Variants in CFAP74 observed in about 807,000 individuals in gnomAD.
The protein encoded by CFAP74 is cilia- and flagella-associated protein 74.
In CFAP74, 124 loss-of-function variants were observed where a neutral mutation model predicts 188.9. The observed-to-expected ratio is 0.66, with a 90% CI of 0.57 to 0.76. The LOEUF (loss-of-function observed/expected upper bound fraction) is 0.76, where lower values mean the gene tolerates loss of function less well. CFAP74 is among the 30% of genes least tolerant of loss of function. The pLI is 0.00. For missense variants in CFAP74, 2,198 were observed against 2,165.2 expected (o/e 1.02, Z -0.30); for synonymous variants, 956 against 916.7 (o/e 1.04, Z -0.77).
chr1:1,998,863 T>C (rs1480453820), intron 1 of CFAP74, among the ~76,000 whole-genome samples: 3 of 152,010 alleles, frequency 2.0e-5, no homozygotes, highest in Non-Finnish European at 2.9e-5. Flanking sequence ...GGCGACAGAG[T>C]GAGACTCCGT....
chr1:1,971,091 GCACACCTGCACACGTGTGCA>G (rs1655974137), intron 9 of CFAP74, among the ~76,000 whole-genome samples: 1 of 135,872 alleles, frequency 7.4e-6, no homozygotes, highest in South Asian at 2.3e-4. Flanking sequence ...ACTCATACAT[GCACACCTGCACACGTGTGCA>G]CACACATGCT....
chr1:1,928,643 C>G (rs1042619103), intron 27 of CFAP74, 141 bp downstream of exon 27: 7 of 620,884 alleles, frequency 1.1e-5, no homozygotes, highest in Admixed American at 5.8e-5. Flanking sequence ...AGATACAGCT[C>G]GACACGTGCA....
chr1:1,923,712 A>G lies in CFAP74; in HGVS notation c.4389+63T>C. On this transcript the variant is annotated intron_variant, in intron 35 of 38. Coordinates refer to ENST00000682832, the MANE Select transcript of CFAP74 (RefSeq NM_001304360.2). This position sits in a 1 kb window ranked among gnomAD's most constrained non-coding sequence, Gnocchi z 6.3. Reference sequence around the variant, plus strand: ...CCTCCAAAGTGGAGCAGTGCAGCCAAAGGCAAGGCCCTGCGTGGGGCCAGG... The same window carrying G: ...CCTCCAAAGTGGAGCAGTGCAGCCAGAGGCAAGGCCCTGCGTGGGGCCAGG... The G allele has an allele frequency of 6.2e-7, 1 of 1,607,968 alleles. No individual in the cohort carries two copies. The highest frequency in any genetic ancestry group is 1.7e-5 in the Admixed American group (1 of 59,940).
At chr1:1,928,756 A>G in intron 27 of CFAP74, 28 bp downstream of exon 27, 2 of 1,509,846 alleles carry the variant, frequency 1.3e-6, no homozygotes, top group Non-Finnish European at 1.8e-6. Flanking sequence ...TCCCCGACCT[A>G]CGCCCCTCCT....
chr1:1,992,159 G>A (rs1657625759), intron 1 of CFAP74, among the ~76,000 whole-genome samples: 1 of 152,146 alleles, frequency 6.6e-6, no homozygotes, highest in Admixed American at 6.6e-5. Context: ...CTGGAACACT[G>A]TTGGGCAATT....
intron 20 of CFAP74, among the ~76,000 whole-genome samples, chr1:1,945,613 AG>A (rs1037678521): frequency 2.0e-5 from 3 of 152,072 alleles, no homozygotes; most frequent in Admixed American, 1.3e-4. Flanking sequence ...GGATCACTTG[AG>A]GTCAGGAGTT....
Position 1,942,136 on chromosome 1 carries a change from A to G in CFAP74, c.2507T>C (p.Leu836Pro). ...VHTRSKAALRLKFEVCKELRA... is the reference protein window; with the variant it reads ...VHTRSKAALRPKFEVCKELRA... ...CAGCTCCTTGCACACCTCGAACTTC[A>G]GGCGCAGGGCAGCTTTCGACCTGTG... The change falls in exon 22 of 39, where the codon CTG (leucine) becomes CCG (proline). Residue 836 changes from leucine to proline, a missense_variant. Physicochemically the swap from Leu to Pro is moderately conservative, Grantham distance 98. Transcript: ENST00000682832. The surrounding 1 kb of genome is among the most constrained non-coding windows in gnomAD (Gnocchi z 4.3). 1 of 1,524,674 alleles carries G rather than the reference A, an allele frequency of 6.6e-7. No homozygotes were observed. Among genetic ancestry groups the G allele is most frequent in the Non-Finnish European group, 8.8e-7 (1 of 1,142,280 alleles). The allele number at this position is 1,524,674 out of a possible 1,614,324, so 94.4% of individuals were successfully genotyped here. A position where few individuals can be genotyped will look rare whatever the true frequency, so the allele number is the denominator to read the frequency against.
rs1380197746 is a variant in CFAP74 at position 1,975,708 on chromosome 1, G to A, written c.501-1510C>T. 6.6e-6 allele frequency among the ~76,000 whole-genome samples: 1 copy of A among 152,110 alleles called. No individual in the cohort carries two copies. Among genetic ancestry groups the A allele is most frequent in the Non-Finnish European group, 1.5e-5 (1 of 68,038 alleles). ...GACTCCGCGGAGCTTCCACGGGCGG[G>A]TTATTTCTATTCCTCCCTCGCGTGA... On this transcript the variant is annotated intron_variant, in intron 6 of 38. Coordinates refer to ENST00000682832, the MANE Select transcript of CFAP74 (RefSeq NM_001304360.2). This position sits in a 1 kb window ranked among gnomAD's most constrained non-coding sequence, Gnocchi z 4.5.
chr1:1,939,304 G>A (rs547439782), intron 24 of CFAP74, among the ~76,000 whole-genome samples: 35 of 152,356 alleles, frequency 2.3e-4, no homozygotes, highest in Non-Finnish European at 3.7e-4. Flanking sequence ...CCAGGCTTGG[G>A]CCTCGTCCCA....
chr1:1,966,560 G>A lies in CFAP74; in HGVS notation c.1246-34C>T, dbSNP rs776340529. ...GGGGAGAGGAACATCGCAAAGACAC[G>A]CTCATGACAGAGAACAGGGAAGAGA... On this transcript the variant is annotated intron_variant, in intron 11 of 38. Transcript: ENST00000682832. 1.9e-5 allele frequency: 28 copies of A among 1,476,426 alleles called. No individual in the cohort carries two copies. The African/African-American group carries it at 2.4e-4, about 13-fold the overall frequency. The allele number at this position is 1,476,426 out of a possible 1,614,324, so 91.5% of individuals were successfully genotyped here. A position where few individuals can be genotyped will look rare whatever the true frequency, so the allele number is the denominator to read the frequency against.
rs775597917 is a variant in CFAP74, at chr1:1,970,661, C to A, written c.1044G>T (p.Lys348Asn). 1 of 1,605,820 alleles carries A rather than the reference C, an allele frequency of 6.2e-7. No homozygotes were observed. Among genetic ancestry groups the A allele is most frequent in the African/African-American group, 1.3e-5 (1 of 74,858 alleles). Residue 348 changes from lysine (K) to asparagine (N), a missense_variant and splice_region_variant, in exon 10 of 39, where the codon AAG (lysine) becomes AAT (asparagine). Lys to Asn is a moderately conservative substitution (Grantham distance 94). Coordinates refer to ENST00000682832, the MANE Select transcript of CFAP74 (RefSeq NM_001304360.2). Reference protein sequence around the residue: ...QRRRQELEAQKRAFEEEQKLR... With the variant: ...QRRRQELEAQNRAFEEEQKLR... ...GGCACCTCTGCCACCACCCTCACCT[C>A]TTCTGGGCCTCCAGCTCCTGGCGCC...
At chr1:1,933,762 T>C (rs1282580489) in intron 25 of CFAP74, among the ~76,000 whole-genome samples, 1 of 152,238 alleles carries the variant, frequency 6.6e-6, no homozygotes, top group Non-Finnish European at 1.5e-5. Flanking sequence ...TGTTGAATAT[T>C]GCATTTCTAT....
Position 1,975,475 on chromosome 1 carries a change from C to T in CFAP74, c.501-1277G>A, listed in dbSNP as rs781668916. 6.6e-6 allele frequency among the ~76,000 whole-genome samples: 1 copy of T among 152,144 alleles called. No homozygotes were observed. Among genetic ancestry groups the T allele is most frequent in the Admixed American group, 6.5e-5 (1 of 15,274 alleles). On this transcript the variant is annotated intron_variant, in intron 6 of 38. Transcript: ENST00000682832. The surrounding 1 kb of genome is among the most constrained non-coding windows in gnomAD (Gnocchi z 4.5). Reference sequence around the variant, plus strand: ...TGATTTGGGGTTTTCTGATTTGCCTCCTGAGATCGGGTTCTACTTTCCCTC... The same window carrying T: ...TGATTTGGGGTTTTCTGATTTGCCTTCTGAGATCGGGTTCTACTTTCCCTC...
chr1:1,954,266 G>A (rs1654384949), intron 18 of CFAP74: 1 of 152,274 alleles, frequency 6.6e-6, no homozygotes, highest in Non-Finnish European at 1.5e-5. Context: ...TCTGTGACCA[G>A]GCAGAGCTGG....
At chr1:1,959,056 CCCCCA>C in intron 16 of CFAP74, 59 bp downstream of exon 16, 2 of 1,139,794 alleles carry the variant, frequency 1.8e-6, no homozygotes, top group South Asian at 2.5e-5. Flanking sequence ...GAGATGCCGT[CCCCCA>C]CTGGGGTTCC....
At chr1:1,934,248 A>T (rs898052364) in intron 25 of CFAP74, among the ~76,000 whole-genome samples, 2 of 135,554 alleles carry the variant, frequency 1.5e-5, no homozygotes, top group Admixed American at 7.5e-5. Flanking sequence ...ACACGTGTGT[A>T]CGTGTGTTAG....
intron 5 of CFAP74, 125 bp from the exon 6 acceptor site, chr1:1,985,615 A>T: frequency 1.4e-6 from 1 of 736,670 alleles, no homozygotes; most frequent in Non-Finnish European, 2.3e-6. Context: ...TGGGCCACCT[A>T]GCCAATGGAG....
chr1:1,924,380 C>T lies in CFAP74; in HGVS notation c.4234+11G>A, dbSNP rs1651677440. 8.3e-6 allele frequency: 5 copies of T among 600,278 alleles called. No individual in the cohort carries two copies. In the African/African-American group the frequency reaches 1.2e-4, roughly 15 times the overall value. The allele number at this position is 600,278 out of a possible 1,614,324, so 37.2% of individuals were successfully genotyped here. A position where few individuals can be genotyped will look rare whatever the true frequency, so the allele number is the denominator to read the frequency against. ...CCGCAGCTCACCACCCACCCCCCAC[C>T]CCCCGCTCACCGACCACCTCCGTCC... On this transcript the variant is annotated intron_variant, in intron 34 of 38. Transcript: ENST00000682832.
intron 21 of CFAP74, among the ~76,000 whole-genome samples, chr1:1,943,576 G>A (rs1054573587): frequency 1.3e-5 from 2 of 152,234 alleles, no homozygotes; most frequent in African/African-American, 4.8e-5. Flanking sequence ...TCCCACCGGC[G>A]TGGCTGTTCA....
Sources: allele counts gnomAD v4.1 joint callset (sites outside exome capture counted in the v4.1 genomes callset), GRCh38; gene constraint gnomAD v4.1.1; non-coding constraint Gnocchi (gnomAD v3.1); transcripts MANE v1.5; gene names NCBI Gene and HGNC (gene_info 2026-07-23, HGNC 2026-07-21).